Variants in INVS observed in about 807,000 individuals in gnomAD.
The protein encoded by INVS is inversion of embryo turning homolog.
In INVS, 86 loss-of-function variants were observed where a neutral mutation model predicts 108.8. The ratio of observed to expected loss-of-function variants is 0.79; its 90% confidence interval spans 0.66 to 0.95. The LOEUF is 0.95. Ranked by LOEUF, INVS falls within the 40% of genes least tolerant of loss-of-function variation. The probability of loss-of-function intolerance (pLI) is 0.00; values close to 1 mark genes in which losing one functional copy is unlikely to be tolerated. For synonymous variants in INVS, 455 were observed against 473.5 expected (o/e 0.96, Z 0.51); for missense variants, 1,169 against 1,297.4 (o/e 0.90, Z 1.52).
intron 11 of INVS, among the ~76,000 whole-genome samples, chr9:100,271,871 ATTT>A (rs775899820): frequency 1.4e-5 from 2 of 145,232 alleles, no homozygotes; most frequent in Non-Finnish European, 1.5e-5. Flanking sequence ...GGTTTCCGAA[ATTT>A]TTTTTTTTTT....
At chr9:100,175,353 C>A (rs941548405) in intron 3 of INVS, 10 of 756,816 alleles carry the variant, frequency 1.3e-5, no homozygotes, top group Non-Finnish European at 2.2e-5. Context: ...TTTCACGAGT[C>A]CCAAAGGCAG....
Position 100,229,921 on chromosome 9 carries a change from G to C in INVS, c.615+94G>C, listed in dbSNP as rs538460628. The C allele has an allele frequency of 6.5e-4, 785 of 1,208,542 alleles. 6 individuals are homozygous for C. The East Asian group carries it at 0.019, about 29-fold the overall frequency. 74.9% of individuals were successfully genotyped at this position (1,208,542 alleles called of 1,614,324 possible). On this transcript the variant is annotated intron_variant, in intron 5 of 16. Transcript: ENST00000262457. ...ACAAAAGTGTATATTTGACGTACAAGCAAATTATTAAGCAAAAGAATACAA... is the reference window on the plus strand; with the variant it reads ...ACAAAAGTGTATATTTGACGTACAACCAAATTATTAAGCAAAAGAATACAA...
intron 2 of INVS, among the ~76,000 whole-genome samples, chr9:100,113,562 G>T (rs1588007977): frequency 7.7e-6 from 1 of 129,380 alleles, no homozygotes; most frequent in South Asian, 2.3e-4. Flanking sequence ...TGTCTTTTTT[G>T]TTTGTTTGTT....
chr9:100,267,019 T>TAAAAA (rs11415703), intron 11 of INVS, among the ~76,000 whole-genome samples: 433 of 92,428 alleles, frequency 4.7e-3, no homozygotes, highest in Middle Eastern at 0.015. Context: ...TTTGAAACTC[T>TAAAAA]AAAAAAAAAA....
At chr9:100,194,702 T>TC (rs1830322253) in intron 3 of INVS, among the ~76,000 whole-genome samples, 1 of 152,192 alleles carries the variant, frequency 6.6e-6, no homozygotes, top group African/African-American at 2.4e-5. Context: ...GAAATTAACT[T>TC]CAATTTTTAA....
intron 3 of INVS, among the ~76,000 whole-genome samples, chr9:100,158,352 A>T (rs1829067661): frequency 6.6e-6 from 1 of 152,224 alleles, no homozygotes; most frequent in Non-Finnish European, 1.5e-5. Flanking sequence ...TCAATGACAG[A>T]GTTCTTATTA....
At chr9:100,117,923 G>T (rs1827598090) in intron 2 of INVS, among the ~76,000 whole-genome samples, 1 of 152,002 alleles carries the variant, frequency 6.6e-6, no homozygotes, top group Non-Finnish European at 1.5e-5. Context: ...TTTTTCATGT[G>T]AGGATATCAG....
chr9:100,224,035 GC>G (rs2071337042), intron 3 of INVS, among the ~76,000 whole-genome samples: 1 of 151,368 alleles, frequency 6.6e-6, no homozygotes, highest in South Asian at 2.1e-4. Context: ...TAACTGATGA[GC>G]AAAAAAAACA....
intron 1 of INVS, among the ~76,000 whole-genome samples, chr9:100,103,501 G>A (rs923060677): frequency 6.6e-6 from 1 of 151,960 alleles, no homozygotes; most frequent in Admixed American, 6.6e-5. Context: ...GATGGCAGGT[G>A]CCTATAATCC....
In INVS at chr9:100,292,704, G is replaced by T. The variant is rs761376698; in HGVS notation, c.2447G>T (p.Gly816Val). Reference sequence around the variant, plus strand: ...TCTAGCCGCCCTGGCAGTGCCCGGGGGGAGGCGGTCCATGCTGGGCAGAAT... The same window carrying T: ...TCTAGCCGCCCTGGCAGTGCCCGGGTGGAGGCGGTCCATGCTGGGCAGAAT... ...AGSSRPGSAR[G>V]EAVHAGQNPP... The change falls in exon 14 of 17, where the codon GGG becomes GTG. Residue 816 changes from glycine (G) to valine (V), a missense_variant. Transcript: ENST00000262457. 1.2e-5 allele frequency: 19 copies of T among 1,614,072 alleles called. No homozygotes were observed. The Admixed American group carries it at 3.2e-4, about 27-fold the overall frequency.
chr9:100,266,440 C>T (rs1832795419), intron 11 of INVS, among the ~76,000 whole-genome samples: 1 of 152,152 alleles, frequency 6.6e-6, no homozygotes. Context: ...TTATCCATGC[C>T]TCCCCTTTTC....
At chr9:100,107,129 A>T (rs1827206064) in intron 2 of INVS, among the ~76,000 whole-genome samples, 1 of 152,212 alleles carries the variant, frequency 6.6e-6, no homozygotes, top group Admixed American at 6.5e-5. Flanking sequence ...ACTTATATGT[A>T]CAATTTAACA....
At chr9:100,236,623 G>A (rs1484283571) in intron 5 of INVS, among the ~76,000 whole-genome samples, 1 of 152,134 alleles carries the variant, frequency 6.6e-6, no homozygotes, top group Admixed American at 6.6e-5. Context: ...CTCTCTTCTA[G>A]GGGCCTGCTG....
At position 100,116,812 on chromosome 9, in the gene INVS, C is replaced by A. The variant is rs563633621; in HGVS notation, c.107-9571C>A. 84 of 1,450,048 alleles carry A rather than the reference C, an allele frequency of 5.8e-5. 2 individuals carry two copies. In the South Asian group the frequency reaches 1.1e-3, roughly 19 times the overall value. 89.8% of individuals were successfully genotyped at this position (1,450,048 alleles called of 1,614,324 possible). A position where few individuals can be genotyped will look rare whatever the true frequency, so the allele number is the denominator to read the frequency against. ...GCTGCACGGAGACTCTGGTGTGGGTCTTGACGAGTTGGTCAGTGAATTCCT... is the reference window on the plus strand; with the variant it reads ...GCTGCACGGAGACTCTGGTGTGGGTATTGACGAGTTGGTCAGTGAATTCCT... On this transcript the variant is annotated intron_variant, in intron 2 of 16. Transcript: ENST00000262457.
chr9:100,269,804 A>C (rs1588136069), intron 11 of INVS, among the ~76,000 whole-genome samples: 1 of 152,334 alleles, frequency 6.6e-6, no homozygotes, highest in Non-Finnish European at 1.5e-5. Flanking sequence ...TGGGATGGTC[A>C]TAGATACTAG....
chr9:100,138,005 C>T (rs564134656), intron 3 of INVS, among the ~76,000 whole-genome samples: 202 of 152,150 alleles, frequency 1.3e-3, no homozygotes, highest in Middle Eastern at 3.4e-3. Context: ...TGAGAGTCAA[C>T]GTAATAATAT....
chr9:100,291,966 C>T (rs1019270963), intron 13 of INVS, among the ~76,000 whole-genome samples: 1 of 152,224 alleles, frequency 6.6e-6, no homozygotes, highest in Non-Finnish European at 1.5e-5. Context: ...ATAAGACCAT[C>T]TGTTGCCCAC....
chr9:100,172,913 T>C (rs971486261), intron 3 of INVS, among the ~76,000 whole-genome samples: 1 of 152,116 alleles, frequency 6.6e-6, no homozygotes, highest in Non-Finnish European at 1.5e-5. Context: ...CCAGTGATAA[T>C]CACTAGATTT....
intron 3 of INVS, among the ~76,000 whole-genome samples, chr9:100,146,242 G>A (rs780611852): frequency 2.0e-5 from 3 of 152,104 alleles, no homozygotes; most frequent in Non-Finnish European, 4.4e-5. Context: ...GGGTGGGGCC[G>A]TTTTGTAAGA....
Sources: allele counts gnomAD v4.1 joint callset (sites outside exome capture counted in the v4.1 genomes callset), GRCh38; gene constraint gnomAD v4.1.1; transcripts MANE v1.5; gene names NCBI Gene and HGNC (gene_info 2026-07-23, HGNC 2026-07-21).